Variants in ACOXL observed in about 807,000 individuals in gnomAD.
The protein encoded by ACOXL is acyl-CoA oxidase like, also known as acyl-coenzyme A oxidase-like protein.
A neutral mutation model predicts 71.9 loss-of-function variants in ACOXL; 70 were observed. That is an observed-to-expected ratio of 0.97 (90% CI 0.80 to 1.19). The LOEUF (loss-of-function observed/expected upper bound fraction) is 1.19, where lower values mean the gene tolerates loss of function less well. ACOXL is among the 50% of genes most tolerant of loss of function. The probability of loss-of-function intolerance (pLI) is 0.00; values close to 1 mark genes in which losing one functional copy is unlikely to be tolerated. For missense variants in ACOXL, 703 were observed against 736.3 expected (o/e 0.95, Z 0.52); for synonymous variants, 253 against 281.6 (o/e 0.90, Z 1.02).
intron 9 of ACOXL, among the ~76,000 whole-genome samples, chr2:110,814,225 C>T (rs1687665170): frequency 6.6e-6 from 1 of 152,184 alleles, no homozygotes. Context: ...CCTCCTTCTC[C>T]ACTGTGACCT....
At chr2:111,032,333 G>A (rs933978991) in intron 15 of ACOXL, among the ~76,000 whole-genome samples, 5 of 152,062 alleles carry the variant, frequency 3.3e-5, no homozygotes, top group Non-Finnish European at 5.9e-5. Context: ...CATGCTACAG[G>A]GCACAGACCG....
At chr2:110,989,876 A>T (rs1047320522) in intron 13 of ACOXL, among the ~76,000 whole-genome samples, 3 of 152,106 alleles carry the variant, frequency 2.0e-5, no homozygotes, top group Non-Finnish European at 4.4e-5. Context: ...CCCCGTCTCT[A>T]CTAAAAACAT....
chr2:111,090,402 G>A (rs2068460521), intron 16 of ACOXL, among the ~76,000 whole-genome samples: 1 of 152,110 alleles, frequency 6.6e-6, no homozygotes, highest in Admixed American at 6.6e-5. Flanking sequence ...ACTGAGACTG[G>A]GCTGATGGTA....
intron 10 of ACOXL, among the ~76,000 whole-genome samples, chr2:110,856,932 C>T (rs1242790068): frequency 6.6e-6 from 1 of 152,252 alleles, no homozygotes; most frequent in Non-Finnish European, 1.5e-5. Context: ...TGTTAAGACT[C>T]TCTGACAATT....
chr2:111,032,873 G>A (rs377354005), intron 15 of ACOXL, among the ~76,000 whole-genome samples: 1 of 152,208 alleles, frequency 6.6e-6, no homozygotes. Context: ...AGGAATGTGT[G>A]GGAGCCGCCC....
chr2:110,750,990 A>G (rs1405016134), intron 1 of ACOXL, among the ~76,000 whole-genome samples: 5 of 151,852 alleles, frequency 3.3e-5, no homozygotes, highest in Admixed American at 6.6e-5. Context: ...TGGCCCCAAC[A>G]CTTTATATTT....
chr2:111,090,884 C>T (rs1160788276), intron 16 of ACOXL, among the ~76,000 whole-genome samples: 1 of 152,128 alleles, frequency 6.6e-6, no homozygotes, highest in African/African-American at 2.4e-5. Flanking sequence ...AGGAAGTTGA[C>T]CTACATTGCC....
intron 9 of ACOXL, among the ~76,000 whole-genome samples, chr2:110,808,798 T>TG (rs1686969882): frequency 6.6e-6 from 1 of 152,234 alleles, no homozygotes; most frequent in Admixed American, 6.5e-5. Context: ...ACTCCCCACT[T>TG]GCAGCATGTA....
chr2:110,933,755 C>T (rs1421431759), intron 12 of ACOXL, 113 bp downstream of exon 12: 1 of 1,335,054 alleles, frequency 7.5e-7, no homozygotes, highest in South Asian at 1.6e-5. Context: ...ATCCCAACTG[C>T]CCATGACTCT....
chr2:111,092,997 T>C (rs1264995860), intron 17 of ACOXL, 31 bp downstream of exon 17: 6 of 1,553,998 alleles, frequency 3.9e-6, no homozygotes, highest in African/African-American at 2.7e-5. Flanking sequence ...AAAAACACTT[T>C]GTACATCAGC....
At chr2:110,778,371 C>T (rs914954267) in intron 2 of ACOXL, among the ~76,000 whole-genome samples, 2 of 152,160 alleles carry the variant, frequency 1.3e-5, no homozygotes, top group African/African-American at 2.4e-5. Flanking sequence ...TACACAATTG[C>T]AAAATTCTAT....
At chr2:110,924,787 A>C (rs2060210602) in intron 11 of ACOXL, among the ~76,000 whole-genome samples, 1 of 152,150 alleles carries the variant, frequency 6.6e-6, no homozygotes, top group Non-Finnish European at 1.5e-5. Context: ...TCCTCCCATG[A>C]ATCACAAATG....
chr2:110,973,154 G>A (rs1028845261), intron 12 of ACOXL, among the ~76,000 whole-genome samples: 1 of 152,114 alleles, frequency 6.6e-6, no homozygotes, highest in Non-Finnish European at 1.5e-5. Flanking sequence ...CCTCTTCAAG[G>A]TCAAATCACT....
At chr2:110,933,432 C>A in intron 11 of ACOXL, 57 bp from the exon 12 acceptor site, 1 of 1,565,574 alleles carries the variant, frequency 6.4e-7, no homozygotes, top group Non-Finnish European at 8.7e-7. Flanking sequence ...AATGCTCCTT[C>A]ACACATGTGC....
chr2:111,061,729 G>A (rs1215780101), intron 16 of ACOXL, among the ~76,000 whole-genome samples: 1 of 152,100 alleles, frequency 6.6e-6, no homozygotes. Flanking sequence ...GCAATAGGAT[G>A]TAAAGGATGG....
At chr2:110,885,872 A>G (rs1264178734) in intron 10 of ACOXL, among the ~76,000 whole-genome samples, 2 of 152,186 alleles carry the variant, frequency 1.3e-5, no homozygotes, top group Non-Finnish European at 2.9e-5. Context: ...CACCCTTGCA[A>G]ATGTTGTTAG....
intron 9 of ACOXL, among the ~76,000 whole-genome samples, chr2:110,827,879 C>A (rs909508237): frequency 3.9e-5 from 6 of 152,192 alleles, no homozygotes; most frequent in Non-Finnish European, 8.8e-5. Context: ...TCCCAAGCAT[C>A]TTTCTCATAT....
intron 1 of ACOXL, among the ~76,000 whole-genome samples, chr2:110,741,414 C>T (rs72828860): frequency 0.025 from 3,762 of 152,226 alleles, 70 homozygotes; most frequent in Non-Finnish European, 0.038. Flanking sequence ...ATGGTCTTCC[C>T]TCTGTACCTG....
intron 1 of ACOXL, among the ~76,000 whole-genome samples, chr2:110,762,187 A>G (rs1310986869): frequency 2.6e-5 from 4 of 152,132 alleles, no homozygotes; most frequent in Non-Finnish European, 5.9e-5. Flanking sequence ...TAGCGTTCAC[A>G]TGGCTTAACT....
Sources: gnomAD v4.1 joint callset for allele counts (sites outside exome capture counted in the v4.1 genomes callset) on GRCh38, gnomAD v4.1.1 for gene constraint, MANE v1.5 for transcripts, NCBI Gene and HGNC (gene_info 2026-07-23, HGNC 2026-07-21) for gene names.